Variants in MAST4 observed in about 807,000 individuals in gnomAD.
The protein encoded by MAST4 is microtubule-associated serine/threonine-protein kinase 4.
MAST4 carries 89 observed loss-of-function variants against 162.7 expected under a neutral mutation model. That is an observed-to-expected ratio of 0.55 (90% CI 0.46 to 0.65). The LOEUF (loss-of-function observed/expected upper bound fraction) is 0.65, where lower values mean the gene tolerates loss of function less well. MAST4 is among the 30% of genes least tolerant of loss of function. The pLI is 0.00. For missense variants in MAST4, 3,153 were observed against 3,374.0 expected, an observed-to-expected ratio of 0.93 and a Z score of 1.62; for synonymous variants, 1,479 against 1,361.1, an observed-to-expected ratio of 1.09 and a Z score of -1.91.
chr5:67,102,884 C>T (rs925763900), intron 9 of MAST4, among the ~76,000 whole-genome samples: 3 of 152,092 alleles, frequency 2.0e-5, no homozygotes, highest in East Asian at 3.9e-4. Context: ...GGTGAGGTGC[C>T]GTAGGGAGGG....
chr5:66,714,246 A>C (rs925423343), intron 1 of MAST4, among the ~76,000 whole-genome samples: 5 of 151,986 alleles, frequency 3.3e-5, no homozygotes, highest in Non-Finnish European at 7.4e-5. Context: ...AGGGTGTGAA[A>C]ATCAGGCCCT....
intron 4 of MAST4, among the ~76,000 whole-genome samples, chr5:67,050,113 CCCT>C (rs1757989538): frequency 6.6e-6 from 1 of 152,192 alleles, no homozygotes; most frequent in Non-Finnish European, 1.5e-5. Context: ...TCCTCTTTGT[CCCT>C]CACACTGAGC....
chr5:66,679,349 G>A lies in MAST4; in HGVS notation c.364-80360G>A, dbSNP rs148253077. Among the ~76,000 whole-genome samples the A allele has an allele frequency of 3.3e-5, 5 of 152,234 alleles. No individual in the cohort carries two copies. In the East Asian group the frequency reaches 5.8e-4, roughly 18 times the overall value. ...GTGGTCAATTGCATGTGGTTAAGTGGGGACAACTCCTCAGTTTCTGGTAGA... is the reference window on the plus strand; with the variant it reads ...GTGGTCAATTGCATGTGGTTAAGTGAGGACAACTCCTCAGTTTCTGGTAGA... On this transcript the variant is annotated intron_variant, in intron 1 of 28. Coordinates refer to ENST00000403625, the MANE Select transcript of MAST4 (RefSeq NM_001164664.2).
intron 5 of MAST4, among the ~76,000 whole-genome samples, chr5:67,085,906 A>T (rs1164436685): frequency 6.6e-6 from 1 of 152,178 alleles, no homozygotes; most frequent in African/African-American, 2.4e-5. Flanking sequence ...TTTAGAGTTC[A>T]CTCAGGTTGA....
At chr5:66,727,664 C>A (rs552514449) in intron 1 of MAST4, among the ~76,000 whole-genome samples, 1 of 152,264 alleles carries the variant, frequency 6.6e-6, no homozygotes, top group East Asian at 1.9e-4. Context: ...ATTTGTGTTG[C>A]AGATGTCATT....
chr5:66,780,489 C>T (rs1425995079), intron 2 of MAST4, among the ~76,000 whole-genome samples: 1 of 152,290 alleles, frequency 6.6e-6, no homozygotes, highest in Middle Eastern at 3.4e-3. Flanking sequence ...TCGCTGACTT[C>T]AAGAATGAAG....
intron 1 of MAST4, among the ~76,000 whole-genome samples, chr5:66,633,762 A>G (rs1319284335): frequency 6.6e-6 from 1 of 152,184 alleles, no homozygotes; most frequent in Non-Finnish European, 1.5e-5. Flanking sequence ...ATATATGCCT[A>G]TCATCTTCAT....
intron 1 of MAST4, among the ~76,000 whole-genome samples, chr5:66,683,487 T>C (rs1303980945): frequency 6.6e-6 from 1 of 152,204 alleles, no homozygotes; most frequent in East Asian, 1.9e-4. Context: ...ACACGTCCTG[T>C]CCTGTCCTCT....
At chr5:67,022,804 A>G (rs1044157669) in intron 4 of MAST4, among the ~76,000 whole-genome samples, 7 of 152,156 alleles carry the variant, frequency 4.6e-5, no homozygotes, top group Admixed American at 2.6e-4. Context: ...ATGCATTTCC[A>G]TCTTCAATTG....
intron 1 of MAST4, among the ~76,000 whole-genome samples, chr5:66,633,123 T>G (rs1744892900): frequency 1.3e-5 from 2 of 152,216 alleles, no homozygotes; most frequent in Admixed American, 6.5e-5. Flanking sequence ...CATGTACTCC[T>G]TGAGGCTCAA....
At chr5:66,783,910 T>C (rs945816926) in intron 2 of MAST4, among the ~76,000 whole-genome samples, 5 of 152,032 alleles carry the variant, frequency 3.3e-5, no homozygotes, top group Non-Finnish European at 7.3e-5. Flanking sequence ...CTGTTCAGAG[T>C]CCAACTTCTT....
At chr5:66,792,613 A>G (rs1355406716) in intron 3 of MAST4, 2 of 152,114 alleles carry the variant, frequency 1.3e-5, no homozygotes, top group Admixed American at 1.3e-4. Context: ...ACCTAATAAG[A>G]CCATCCATCT....
At chr5:66,676,062 GAC>G (rs920939523) in intron 1 of MAST4, among the ~76,000 whole-genome samples, 1 of 152,116 alleles carries the variant, frequency 6.6e-6, no homozygotes, top group African/African-American at 2.4e-5. Context: ...TTGATTTTTG[GAC>G]ACACTCAAGA....
Position 66,826,401 on chromosome 5 carries a change from C to T in MAST4, c.642+37607C>T, listed in dbSNP as rs147808150. ...TATCACTCCCACCACCTCCCAAACACCTCGAGCTGCAGAGTGCCTAAGATG... is the reference window on the plus strand; with the variant it reads ...TATCACTCCCACCACCTCCCAAACATCTCGAGCTGCAGAGTGCCTAAGATG... On this transcript the variant is annotated intron_variant, in intron 3 of 28. Coordinates refer to ENST00000403625, the MANE Select transcript of MAST4 (RefSeq NM_001164664.2). 7.9e-5 allele frequency among the ~76,000 whole-genome samples: 12 copies of T among 152,172 alleles called. No individual in the cohort carries two copies. The East Asian group carries it at 2.1e-3, about 27-fold the overall frequency.
intron 1 of MAST4, among the ~76,000 whole-genome samples, chr5:66,693,303 TA>T (rs764417519): frequency 5.3e-5 from 8 of 152,056 alleles, no homozygotes; most frequent in African/African-American, 1.4e-4. Flanking sequence ...GTAAGGCATC[TA>T]AAAAAAATCT....
At chr5:67,082,616 T>C (rs890476927) in intron 5 of MAST4, among the ~76,000 whole-genome samples, 12 of 152,168 alleles carry the variant, frequency 7.9e-5, no homozygotes, top group African/African-American at 2.4e-4. Context: ...TGAGATTAAA[T>C]GTAAATATGG....
At chr5:66,703,665 G>A (rs1749926726) in intron 1 of MAST4, among the ~76,000 whole-genome samples, 1 of 152,184 alleles carries the variant, frequency 6.6e-6, no homozygotes, top group African/African-American at 2.4e-5. Flanking sequence ...TAAACATACA[G>A]AGTTGTTGCC....
chr5:66,933,190 A>T (rs1742355307), intron 4 of MAST4, among the ~76,000 whole-genome samples: 1 of 151,990 alleles, frequency 6.6e-6, no homozygotes. Context: ...GTTCTGATAA[A>T]CTCCCTATGC....
At chr5:67,126,784 G>A (rs945379690) in intron 14 of MAST4, among the ~76,000 whole-genome samples, 5 of 152,178 alleles carry the variant, frequency 3.3e-5, no homozygotes, top group Middle Eastern at 3.2e-3. Context: ...TATGAAAAAA[G>A]TCAGTGGCAG....
Sources: allele counts gnomAD v4.1 joint callset (sites outside exome capture counted in the v4.1 genomes callset), GRCh38; gene constraint gnomAD v4.1.1; transcripts MANE v1.5; gene names NCBI Gene and HGNC (gene_info 2026-07-23, HGNC 2026-07-21).